RANBP2: variants seen among roughly 807,000 people sequenced by gnomAD.
RANBP2 encodes the protein E3 SUMO-protein ligase RanBP2.
RANBP2 carries 57 observed loss-of-function variants against 303.6 expected under a neutral mutation model. The ratio of observed to expected loss-of-function variants is 0.19; its 90% confidence interval spans 0.15 to 0.23. The LOEUF is 0.23. RANBP2 is among the 10% of genes least tolerant of loss of function. The pLI is 1.00. For synonymous variants in RANBP2, 1,167 were observed against 1,301.5 expected (o/e 0.90, Z 2.23); for missense variants, 3,138 against 3,780.8 (o/e 0.83, Z 4.46).
At chr2:109,398,211 C>T in the RANBP2 span, among the ~76,000 whole-genome samples, 2 of 152,210 alleles carry the variant, frequency 1.3e-5, no homozygotes, top group Non-Finnish European at 2.9e-5. Flanking sequence ...CATGCAGGGC[C>T]AGCCCACGTC....
At chr2:109,648,583 T>A in the RANBP2 span, among the ~76,000 whole-genome samples, 1 of 151,850 alleles carries the variant, frequency 6.6e-6, no homozygotes, top group Non-Finnish European at 1.5e-5. Context: ...CCTCAGGTGA[T>A]CCACCCGCCT....
the RANBP2 span, among the ~76,000 whole-genome samples, chr2:108,817,717 C>T: frequency 1.3e-5 from 2 of 152,200 alleles, no homozygotes; most frequent in African/African-American, 4.8e-5. Context: ...GAAATGGATC[C>T]TCCCTTAGCC....
chr2:109,580,976 G>A, the RANBP2 span, among the ~76,000 whole-genome samples: 2 of 152,178 alleles, frequency 1.3e-5, no homozygotes, highest in Non-Finnish European at 2.9e-5. Flanking sequence ...TGCACAGGCA[G>A]GAAGCACTGC....
the RANBP2 span, among the ~76,000 whole-genome samples, chr2:108,893,401 G>C: frequency 2.0e-5 from 3 of 152,058 alleles, no homozygotes; most frequent in South Asian, 6.2e-4. Context: ...ATGGCTAAAG[G>C]GTTTTGACAC....
chr2:109,666,437 A>G, the RANBP2 span, among the ~76,000 whole-genome samples: 1 of 152,240 alleles, frequency 6.6e-6, no homozygotes, highest in Admixed American at 6.5e-5. Context: ...GAGAAATATT[A>G]TCTGTATAGT....
At chr2:109,066,254 G>A in the RANBP2 span, among the ~76,000 whole-genome samples, 117 of 152,180 alleles carry the variant, frequency 7.7e-4, no homozygotes, top group African/African-American at 2.6e-3. Flanking sequence ...AATTACAGGT[G>A]TTTGCCACCA....
chr2:109,283,302 G>T, the RANBP2 span, among the ~76,000 whole-genome samples: 2 of 152,170 alleles, frequency 1.3e-5, no homozygotes, highest in African/African-American at 4.8e-5. Flanking sequence ...CTCCCCACTT[G>T]TGGGCCTGCT....
chr2:109,701,127 C>T, the RANBP2 span, among the ~76,000 whole-genome samples: 1 of 152,098 alleles, frequency 6.6e-6, no homozygotes, highest in East Asian at 1.9e-4. Context: ...AGATCTGTCC[C>T]CTTGTGCAGA....
At position 108,745,945 on chromosome 2, in the gene RANBP2, C is replaced by T. The variant is rs542697985; in HGVS notation, c.976-766C>T. On this transcript the variant is annotated intron_variant, in intron 7 of 28. Coordinates refer to ENST00000283195, the MANE Select transcript of RANBP2 (RefSeq NM_006267.5). ...TTTTGGAGATAGGGTCTCACTCTGT[C>T]GCCCAAGCTGGAGCACAGTGGCATG... is the stretch of plus-strand genomic sequence containing the variant. Among the ~76,000 whole-genome samples the T allele has an allele frequency of 5.5e-5, 8 of 145,908 alleles. No individual in the cohort carries two copies. The East Asian group carries it at 7.9e-4, about 14-fold the overall frequency.
the RANBP2 span, among the ~76,000 whole-genome samples, chr2:109,688,232 A>G: frequency 6.6e-6 from 1 of 152,138 alleles, no homozygotes; most frequent in Non-Finnish European, 1.5e-5. Flanking sequence ...CCTGAGGCCT[A>G]TGGTGCCCTG....
chr2:109,672,819 T>C, the RANBP2 span, among the ~76,000 whole-genome samples: 1 of 152,214 alleles, frequency 6.6e-6, no homozygotes, highest in Non-Finnish European at 1.5e-5. Flanking sequence ...TTTATAGAGA[T>C]AGTGTCTAAA....
At chr2:108,747,113 A>T (rs1696575818) in intron 8 of RANBP2, among the ~76,000 whole-genome samples, 1 of 152,228 alleles carries the variant, frequency 6.6e-6, no homozygotes, top group African/African-American at 2.4e-5. Flanking sequence ...CCAACCATTT[A>T]ACACCAGCTG....
the RANBP2 span, among the ~76,000 whole-genome samples, chr2:109,584,462 G>A: frequency 2.6e-5 from 3 of 114,544 alleles, no homozygotes; most frequent in African/African-American, 3.7e-5. Context: ...GTGACAGAGC[G>A]AGACTCTGTC....
the RANBP2 span, among the ~76,000 whole-genome samples, chr2:109,513,851 A>G: frequency 2.2e-4 from 33 of 152,162 alleles, no homozygotes; most frequent in Admixed American, 1.4e-3. Context: ...ACCCACAGCC[A>G]CATTCTAACT....
chr2:109,056,855 T>C, the RANBP2 span, among the ~76,000 whole-genome samples: 1 of 152,230 alleles, frequency 6.6e-6, no homozygotes, highest in African/African-American at 2.4e-5. Context: ...CAGTTGTACA[T>C]GGTCCTCCCA....
the RANBP2 span, among the ~76,000 whole-genome samples, chr2:108,942,502 G>A: frequency 5.9e-3 from 901 of 152,360 alleles, 5 homozygotes; most frequent in Middle Eastern, 0.01. Context: ...GGGAGGCCAG[G>A]TGAACCACGA....
chr2:109,437,126 C>T, the RANBP2 span: 2 of 1,611,816 alleles, frequency 1.2e-6, no homozygotes, highest in East Asian at 2.2e-5. Flanking sequence ...GCCAGCCAAG[C>T]CCGGAGCACC....
the RANBP2 span, among the ~76,000 whole-genome samples, chr2:109,026,881 C>T: frequency 2.0e-4 from 30 of 152,028 alleles, no homozygotes; most frequent in Admixed American, 1.7e-3. Context: ...GGTGAAACCC[C>T]GTCTCTACTA....
the RANBP2 span, among the ~76,000 whole-genome samples, chr2:109,326,751 A>G: frequency 6.6e-6 from 1 of 152,186 alleles, no homozygotes; most frequent in African/African-American, 2.4e-5. Flanking sequence ...CCACTGTTCT[A>G]AGTGGTTCTG....
Sources: allele counts gnomAD v4.1 joint callset (sites outside exome capture counted in the v4.1 genomes callset), GRCh38; gene constraint gnomAD v4.1.1; transcripts MANE v1.5; gene names NCBI Gene and HGNC (gene_info 2026-07-23, HGNC 2026-07-21).